PSPC1: variants seen among roughly 807,000 people sequenced by gnomAD.
PSPC1 encodes the protein paraspeckle protein 1.
In PSPC1, 14 loss-of-function variants were observed where a neutral mutation model predicts 51.6. The observed-to-expected ratio is 0.27, with a 90% CI of 0.18 to 0.42. PSPC1 has a LOEUF of 0.42. PSPC1 is among the 10% of genes least tolerant of loss of function. The pLI is 1.00. For missense variants in PSPC1, 406 were observed against 701.1 expected (o/e 0.58, Z 4.75); for synonymous variants, 193 against 231.9 (o/e 0.83, Z 1.53).
chr13:19,729,143 A>G (rs1883730316), intron 6 of PSPC1, among the ~76,000 whole-genome samples: 1 of 152,200 alleles, frequency 6.6e-6, no homozygotes, highest in Non-Finnish European at 1.5e-5. Flanking sequence ...TGATGCTTCA[A>G]GTATGCGATA....
intron 6 of PSPC1, among the ~76,000 whole-genome samples, chr13:19,727,693 C>G (rs2137903090): frequency 6.6e-6 from 1 of 152,290 alleles, no homozygotes; most frequent in African/African-American, 2.4e-5. Flanking sequence ...ACTTAATCTA[C>G]AGTTGGTGGA....
intron 2 of PSPC1, among the ~76,000 whole-genome samples, chr13:19,768,726 G>C (rs938380951): frequency 1.3e-5 from 2 of 150,990 alleles, no homozygotes; most frequent in African/African-American, 2.4e-5. Flanking sequence ...TTTCAGGAAA[G>C]ATATATAATT....
chr13:19,759,311 A>G lies in PSPC1; in HGVS notation c.770+12T>C. On this transcript the variant is annotated intron_variant, in intron 3 of 8. Coordinates refer to ENST00000338910, the MANE Select transcript of PSPC1 (RefSeq NM_001354909.2). ...TAGTACAGACACAAATTATCTATTA[A>G]TAAAATCTTACTTATGATATTGTTG... 8.8e-6 allele frequency: 14 copies of G among 1,597,750 alleles called. No homozygotes were observed. Among genetic ancestry groups the G allele is most frequent in the Non-Finnish European group, 1.2e-5 (14 of 1,165,176 alleles).
intron 1 of PSPC1, among the ~76,000 whole-genome samples, chr13:19,781,671 C>T (rs1593804878): frequency 6.6e-6 from 1 of 152,146 alleles, no homozygotes; most frequent in African/African-American, 2.4e-5. Context: ...AGGTAAATAG[C>T]AGGCTGCACT....
rs1593794882 is a variant in PSPC1, at chr13:19,779,241, G to C, written c.372+3145C>G. 1.6e-4 allele frequency among the ~76,000 whole-genome samples: 11 copies of C among 70,882 alleles called. No homozygotes were observed. The South Asian group carries it at 9.5e-3, about 61-fold the overall frequency. The allele number at this position is 70,882 out of a possible 152,430, so 46.5% of individuals were successfully genotyped here. A position where few individuals can be genotyped will look rare whatever the true frequency, so the allele number is the denominator to read the frequency against. ...AGCCACCCCATCTGGGAAGTGAGGA[G>C]CGTCTCCGCCCGGCAGCCACCCCGT... On this transcript the variant is annotated intron_variant, in intron 1 of 8. Transcript: ENST00000338910.
chr13:19,739,664 A>C (rs1248279111), intron 5 of PSPC1, among the ~76,000 whole-genome samples: 1 of 151,990 alleles, frequency 6.6e-6, no homozygotes, highest in East Asian at 1.9e-4. Context: ...AATCACTGGG[A>C]CCTGGGAGGC....
intron 4 of PSPC1, among the ~76,000 whole-genome samples, chr13:19,748,300 C>T (rs1184413405): frequency 6.6e-6 from 1 of 151,812 alleles, no homozygotes; most frequent in Admixed American, 6.6e-5. Context: ...AAACAAACTA[C>T]AACTGAAATT....
At chr13:19,700,656 A>G (rs1013453179), downstream of PSPC1, among the ~76,000 whole-genome samples, 36 of 152,114 alleles carry the variant, frequency 2.4e-4, no homozygotes, top group African/African-American at 7.2e-4. Context: ...TATACACACT[A>G]ATTACAAGTA....
In PSPC1 at chr13:19,779,286, G is replaced by GA. The variant is rs1215456800; in HGVS notation, c.372+3099_372+3100insT. Among the ~76,000 whole-genome samples the GA allele has an allele frequency of 3.4e-5, 3 of 87,802 alleles. 1 individual carries two copies. The highest frequency in any genetic ancestry group is 5.2e-5 in the Non-Finnish European group (2 of 38,676). The allele number at this position is 87,802 out of a possible 152,430, so 57.6% of individuals were successfully genotyped here. A position where few individuals can be genotyped will look rare whatever the true frequency, so the allele number is the denominator to read the frequency against. On this transcript the variant is annotated intron_variant, in intron 1 of 8. Transcript: ENST00000338910. ...CCCCGTCCGGGAGGGAGGTGGGGGG[G>GA]GTCAGCCCCCCGCCCGGCCAGCCGC...
chr13:19,690,647 T>C (rs958558853), intron 6 of PSPC1, among the ~76,000 whole-genome samples: 3 of 152,220 alleles, frequency 2.0e-5, no homozygotes, highest in African/African-American at 4.8e-5. Flanking sequence ...GTATTTGGTA[T>C]AGCCAATCAA....
chr13:19,709,483 G>A, intron 7 of PSPC1, 59 bp downstream of exon 7: 2 of 1,309,186 alleles, frequency 1.5e-6, no homozygotes, highest in Non-Finnish European at 2.2e-6. Flanking sequence ...ACCACAAACA[G>A]CATAAACAGT....
intron 6 of PSPC1, among the ~76,000 whole-genome samples, chr13:19,717,009 G>T (rs1216872900): frequency 2.0e-5 from 3 of 151,564 alleles, no homozygotes; most frequent in Non-Finnish European, 4.4e-5. Context: ...GGCCATGATG[G>T]TGAAACCCCA....
At chr13:19,776,510 T>C (rs1277011968) in intron 1 of PSPC1, among the ~76,000 whole-genome samples, 1 of 151,544 alleles carries the variant, frequency 6.6e-6, no homozygotes, top group Non-Finnish European at 1.5e-5. Context: ...CCCTTTACTA[T>C]ATGCAAATTT....
At chr13:19,726,262 A>G (rs1883349861) in intron 6 of PSPC1, among the ~76,000 whole-genome samples, 2 of 152,236 alleles carry the variant, frequency 1.3e-5, no homozygotes, top group South Asian at 4.1e-4. Context: ...TGAAAAATTC[A>G]ACTATTTTCA....
intron 1 of PSPC1, among the ~76,000 whole-genome samples, chr13:19,778,002 G>C (rs979580019): frequency 1.3e-5 from 2 of 152,066 alleles, no homozygotes; most frequent in African/African-American, 4.8e-5. Context: ...CAAGAACTTT[G>C]GGAGGCCAAG....
In PSPC1 at chr13:19,693,475, T is replaced by C. The variant is rs74035403; in HGVS notation, c.1159-15652A>G. On this transcript the variant is annotated intron_variant and NMD_transcript_variant, in intron 6 of 7. Coordinates refer to the PSPC1 transcript ENST00000471658. ...GTGTCATTCATTCACCAAGCAAATA[T>C]CTAACAAGGACTTGCTAGGAAATTA... 6.2e-3 allele frequency among the ~76,000 whole-genome samples: 938 copies of C among 152,326 alleles called. 14 individuals carry two copies. Among genetic ancestry groups the C allele is most frequent in the African/African-American group, 0.021 (861 of 41,576 alleles).
rs1461502191 is a variant in PSPC1, at chr13:19,741,590, G to A, written c.1027C>T (p.Gln343Ter). The A allele has an allele frequency of 1.9e-6, 3 of 1,601,208 alleles. No homozygotes were observed. Among genetic ancestry groups the A allele is most frequent in the Non-Finnish European group, 2.6e-6 (3 of 1,171,514 alleles). Reference sequence around the variant, plus strand: ...CTTAGTTGTATTTGCTTCCGTTTTTGCAACTCTTGGTTTCTGAGTTCTTCC... The same window carrying A: ...CTTAGTTGTATTTGCTTCCGTTTTTACAACTCTTGGTTTCTGAGTTCTTCC... ...RLEELRNQEL[Q>*]KRKQIQLRHE... The change falls in exon 5 of 9, where the codon CAA becomes TAA. Residue 343 changes from glutamine to a stop codon, truncating the protein, a stop_gained. Transcript: ENST00000338910. LOFTEE classifies it high-confidence loss of function.
At chr13:19,780,154 G>A (rs1224165280) in intron 1 of PSPC1, among the ~76,000 whole-genome samples, 3 of 65,314 alleles carry the variant, frequency 4.6e-5, no homozygotes, top group East Asian at 9.3e-4. Context: ...TCAGCCCCCC[G>A]CCCGGCCAGC....
In PSPC1 at chr13:19,750,192, G is replaced by A. The variant is rs189210896; in HGVS notation, c.967+1079C>T. 3.9e-5 allele frequency among the ~76,000 whole-genome samples: 6 copies of A among 152,130 alleles called. No homozygotes were observed. The East Asian group carries it at 7.7e-4, about 20-fold the overall frequency. On this transcript the variant is annotated intron_variant, in intron 4 of 8. Transcript: ENST00000338910. Reference sequence around the variant, plus strand: ...AAAGCCAAGATTAGATGGCAGAAACGTTCAGCAGGAATGCTACTGCAGAAA... The same window carrying A: ...AAAGCCAAGATTAGATGGCAGAAACATTCAGCAGGAATGCTACTGCAGAAA...
Sources: gnomAD v4.1 joint callset for allele counts (sites outside exome capture counted in the v4.1 genomes callset) on GRCh38, gnomAD v4.1.1 for gene constraint, MANE v1.5 for transcripts, NCBI Gene and HGNC (gene_info 2026-07-23, HGNC 2026-07-21) for gene names.